COL14A1: variants seen among roughly 807,000 people sequenced by gnomAD.
COL14A1 encodes the protein collagen type XIV alpha 1 chain.
In COL14A1, 136 loss-of-function variants were observed where a neutral mutation model predicts 230.3. The observed-to-expected ratio is 0.59, with a 90% CI of 0.51 to 0.68. The LOEUF (loss-of-function observed/expected upper bound fraction) is 0.68. Among genes scored for constraint, COL14A1 ranks in the 30% least tolerant of loss-of-function variants. COL14A1 has a pLI of 0.00. For synonymous variants in COL14A1, 792 were observed against 784.1 expected, an observed-to-expected ratio of 1.01 and a Z score of -0.17; for missense variants, 1,976 against 2,215.8, an observed-to-expected ratio of 0.89 and a Z score of 2.17.
At position 120,228,878 on chromosome 8, in the gene COL14A1, T is replaced by C. The variant is rs575962086; in HGVS notation, c.2197+109T>C. 2.7e-5 allele frequency: 26 copies of C among 953,956 alleles called. No individual in the cohort carries two copies. In the East Asian group the frequency reaches 6.5e-4, roughly 24 times the overall value. 59.1% of individuals were successfully genotyped at this position (953,956 alleles called of 1,614,324 possible). A position where few individuals can be genotyped will look rare whatever the true frequency, so the allele number is the denominator to read the frequency against. ...AACTAGGAAAAGAGATGACCCTCCC[T>C]TCCTTTTCTGGCACACTGGTTCAAA... On this transcript the variant is annotated intron_variant, in intron 18 of 47. Transcript: ENST00000297848.
At position 120,278,514 on chromosome 8, in the gene COL14A1, G is replaced by A. The variant is rs1486083496; in HGVS notation, c.3417G>A (p.Val1139=). Residue 1139 remains valine (V), a synonymous_variant, in exon 28 of 48, where the codon GTG becomes GTA. Transcript: ENST00000297848. ...GTRRGIPKVI[V]VITDGRSQDD... The stretch of plus-strand genomic sequence containing the variant: ...GAAGGGGCATCCCAAAGGTTATCGT[G>A]GTTATAACTGATGGAAGATCACAAG... 1.9e-6 allele frequency: 3 copies of A among 1,612,858 alleles called. No homozygotes were observed. In the South Asian group the frequency reaches 3.3e-5, roughly 18 times the overall value.
intron 19 of COL14A1, among the ~76,000 whole-genome samples, chr8:120,239,613 T>C (rs1818553563): frequency 6.6e-6 from 1 of 152,210 alleles, no homozygotes; most frequent in Non-Finnish European, 1.5e-5. Flanking sequence ...ACAAAATAGA[T>C]TGAATTACAA....
intron 34 of COL14A1, among the ~76,000 whole-genome samples, chr8:120,290,650 A>G (rs1820347593): frequency 6.6e-6 from 1 of 152,244 alleles, no homozygotes; most frequent in Non-Finnish European, 1.5e-5. Flanking sequence ...AGACTTTTAA[A>G]GCTGAAGATC....
chr8:120,294,676 C>CT (rs1325920849), intron 34 of COL14A1, among the ~76,000 whole-genome samples: 2 of 151,258 alleles, frequency 1.3e-5, no homozygotes, highest in Admixed American at 6.6e-5. Flanking sequence ...AAGCCAAAGG[C>CT]TTTTTTTCTC....
At chr8:120,249,198 G>T (rs112477155) in intron 21 of COL14A1, among the ~76,000 whole-genome samples, 2 of 151,160 alleles carry the variant, frequency 1.3e-5, no homozygotes, top group Admixed American at 6.6e-5. Flanking sequence ...GATTACAAGC[G>T]TGAGCCACCG....
chr8:120,193,087 G>A (rs1170280112), intron 5 of COL14A1, among the ~76,000 whole-genome samples: 2 of 152,214 alleles, frequency 1.3e-5, no homozygotes, highest in Admixed American at 6.5e-5. Flanking sequence ...TGTTGCTGGT[G>A]AGGAACTGCG....
chr8:120,264,154 C>T (rs1819434687), intron 24 of COL14A1, among the ~76,000 whole-genome samples: 1 of 152,166 alleles, frequency 6.6e-6, no homozygotes. Context: ...AGACAATCTA[C>T]TTTCTTTTAT....
intron 5 of COL14A1, among the ~76,000 whole-genome samples, chr8:120,180,814 T>A (rs1816440237): frequency 6.7e-6 from 1 of 148,758 alleles, no homozygotes; most frequent in South Asian, 2.1e-4. Flanking sequence ...TTCAACAGAT[T>A]CTCCTGCTGC....
At position 120,283,713 on chromosome 8, in the gene COL14A1, A is replaced by G; in HGVS notation, c.3902A>G (p.Glu1301Gly). Residue 1301 changes from glutamate to glycine, a missense_variant, in exon 32 of 48, where the codon GAG (glutamate) becomes GGG (glycine). Glu to Gly is a moderately conservative substitution (Grantham distance 98). Transcript: ENST00000297848. ...LFRILPDTPQEPFALWEILNK... is the reference protein window; with the variant it reads ...LFRILPDTPQGPFALWEILNK... ...CGGATTCTTCCTGACACTCCACAGGAGCCATTTGCTCTTTGGGAGATTTTA... is the reference window on the plus strand; with the variant it reads ...CGGATTCTTCCTGACACTCCACAGGGGCCATTTGCTCTTTGGGAGATTTTA... 6.2e-7 allele frequency: 1 copy of G among 1,613,768 alleles called. No individual in the cohort carries two copies.
At chr8:120,224,174 G>C (rs968892452) in intron 14 of COL14A1, among the ~76,000 whole-genome samples, 1 of 151,602 alleles carries the variant, frequency 6.6e-6, no homozygotes, top group Non-Finnish European at 1.5e-5. Context: ...TTGCAGGTGC[G>C]CACCACAACA....
intron 44 of COL14A1, among the ~76,000 whole-genome samples, chr8:120,342,676 A>G (rs1271521171): frequency 6.6e-6 from 1 of 152,170 alleles, no homozygotes; most frequent in Admixed American, 6.5e-5. Context: ...CATTGGTCCA[A>G]GAACTGCCTG....
chr8:120,152,475 A>G (rs1419546706), intron 2 of COL14A1, among the ~76,000 whole-genome samples: 1 of 150,458 alleles, frequency 6.6e-6, no homozygotes, highest in South Asian at 2.1e-4. Context: ...ATCTCAAAAA[A>G]AAAAAAAAAA....
At chr8:120,366,396 A>T (rs1399986867) in intron 45 of COL14A1, among the ~76,000 whole-genome samples, 2 of 152,212 alleles carry the variant, frequency 1.3e-5, no homozygotes, top group Non-Finnish European at 2.9e-5. Flanking sequence ...TGTACACAAA[A>T]AAACAGACAG....
intron 36 of COL14A1, among the ~76,000 whole-genome samples, chr8:120,309,127 G>A (rs968569914): frequency 1.3e-5 from 2 of 152,138 alleles, no homozygotes; most frequent in Admixed American, 6.5e-5. Context: ...AGTAGAGACG[G>A]TGTTTCACCG....
chr8:120,203,702 G>C lies in COL14A1; in HGVS notation c.878-7G>C. 1 of 1,613,496 alleles carries C rather than the reference G, an allele frequency of 6.2e-7. No individual in the cohort carries two copies. Among genetic ancestry groups the C allele is most frequent in the Non-Finnish European group, 8.5e-7 (1 of 1,179,730 alleles). ...GTCACCATTCTCTTTTTTGTCCTCTGTGTAAGGGGTGAAAAACGCGGATGT... is the reference window on the plus strand; with the variant it reads ...GTCACCATTCTCTTTTTTGTCCTCTCTGTAAGGGGTGAAAAACGCGGATGT... On this transcript the variant is annotated splice_region_variant and splice_polypyrimidine_tract_variant and intron_variant, in intron 8 of 47. Coordinates refer to ENST00000297848, the MANE Select transcript of COL14A1 (RefSeq NM_021110.4).
At chr8:120,177,030 GAA>G (rs1247793853) in intron 5 of COL14A1, among the ~76,000 whole-genome samples, 1 of 152,146 alleles carries the variant, frequency 6.6e-6, no homozygotes, top group African/African-American at 2.4e-5. Context: ...CTGAGTGAGG[GAA>G]AAGTCTTGAG....
chr8:120,370,550 A>C, intron 47 of COL14A1: 1 of 1,465,384 alleles, frequency 6.8e-7, no homozygotes, highest in Non-Finnish European at 9.0e-7. Context: ...TCCAAACATG[A>C]TGGAGTGATA....
At chr8:120,360,281 G>T (rs950552550) in intron 45 of COL14A1, among the ~76,000 whole-genome samples, 1 of 152,190 alleles carries the variant, frequency 6.6e-6, no homozygotes. Flanking sequence ...ACGACTTGGG[G>T]TTCCTCTTGA....
intron 19 of COL14A1, among the ~76,000 whole-genome samples, chr8:120,239,011 T>C (rs529465804): frequency 2.8e-4 from 43 of 152,336 alleles, no homozygotes; most frequent in Middle Eastern, 3.4e-3. Context: ...GCCTTCTGCA[T>C]TGGTCTCACT....
Sources: allele counts gnomAD v4.1 joint callset (sites outside exome capture counted in the v4.1 genomes callset), GRCh38; gene constraint gnomAD v4.1.1; transcripts MANE v1.5; gene names NCBI Gene and HGNC (gene_info 2026-07-23, HGNC 2026-07-21).